SNCAIP: variants seen among roughly 807,000 people sequenced by gnomAD.
SNCAIP encodes synphilin-1.
SNCAIP carries 43 observed loss-of-function variants against 86.7 expected under a neutral mutation model. The ratio of observed to expected loss-of-function variants is 0.50; its 90% CI spans 0.39 to 0.64. The LOEUF is 0.64. Among genes scored for constraint, SNCAIP ranks in the 30% least tolerant of loss-of-function variants. The probability of loss-of-function intolerance (pLI) is 0.00; values close to 1 mark genes in which losing one functional copy is unlikely to be tolerated. For missense variants in SNCAIP, 981 were observed against 1,103.1 expected (o/e 0.89, Z 1.57); for synonymous variants, 417 against 427.2 (o/e 0.98, Z 0.29).
chr5:122,421,569 G>C (rs1353279198), intron 3 of SNCAIP, among the ~76,000 whole-genome samples: 1 of 152,042 alleles, frequency 6.6e-6, no homozygotes, highest in East Asian at 1.9e-4. Flanking sequence ...TTCTTTGGTT[G>C]TTCCCAGTAG....
intron 1 of SNCAIP, among the ~76,000 whole-genome samples, chr5:122,326,789 G>A (rs905237960): frequency 2.0e-5 from 3 of 151,506 alleles, no homozygotes; most frequent in African/African-American, 7.3e-5. Context: ...GCTTCTAGAA[G>A]GAATTATTTT....
intron 1 of SNCAIP, among the ~76,000 whole-genome samples, chr5:122,345,275 T>G (rs1209920760): frequency 6.6e-6 from 1 of 152,224 alleles, no homozygotes; most frequent in Non-Finnish European, 1.5e-5. Context: ...ATAATGCCTA[T>G]TTAGCTCTTT....
At chr5:122,329,474 C>T (rs1754828199) in intron 1 of SNCAIP, among the ~76,000 whole-genome samples, 1 of 152,094 alleles carries the variant, frequency 6.6e-6, no homozygotes, top group Non-Finnish European at 1.5e-5. Context: ...TCCTTTCTAT[C>T]CCCATTTCCA....
At chr5:122,356,902 T>C (rs1212442154) in intron 1 of SNCAIP, among the ~76,000 whole-genome samples, 1 of 152,212 alleles carries the variant, frequency 6.6e-6, no homozygotes, top group African/African-American at 2.4e-5. Flanking sequence ...GATCTCTACC[T>C]AGCTCCTGTC....
intron 3 of SNCAIP, among the ~76,000 whole-genome samples, chr5:122,404,898 T>C (rs1360535669): frequency 6.6e-6 from 1 of 152,218 alleles, no homozygotes; most frequent in Non-Finnish European, 1.5e-5. Flanking sequence ...TGTTTTTTTG[T>C]GTGTGTGAGT....
intron 10 of SNCAIP, among the ~76,000 whole-genome samples, chr5:122,454,214 T>C (rs1420159771): frequency 6.6e-6 from 1 of 152,252 alleles, no homozygotes; most frequent in Non-Finnish European, 1.5e-5. Context: ...TGAATTTTAG[T>C]TGAGAATACT....
intron 4 of SNCAIP, among the ~76,000 whole-genome samples, chr5:122,424,602 T>C (rs1777011049): frequency 1.3e-5 from 2 of 152,264 alleles, no homozygotes; most frequent in South Asian, 4.1e-4. Context: ...AATTGAATAA[T>C]TTTATGAAAT....
intron 2 of SNCAIP, among the ~76,000 whole-genome samples, chr5:122,401,803 T>C (rs780323792): frequency 6.6e-5 from 10 of 152,200 alleles, no homozygotes; most frequent in Non-Finnish European, 1.2e-4. Flanking sequence ...GCTGCTCAAA[T>C]GTAAACCTCG....
chr5:122,457,071 G>C (rs950892415), intron 10 of SNCAIP, among the ~76,000 whole-genome samples: 1 of 152,114 alleles, frequency 6.6e-6, no homozygotes, highest in African/African-American at 2.4e-5. Flanking sequence ...GTGCGATCTT[G>C]GCTCACTGCA....
At chr5:122,440,562 CCT>C (rs1294287872) in intron 6 of SNCAIP, 65 bp from the exon 7 acceptor site, 1 of 1,480,374 alleles carries the variant, frequency 6.8e-7, no homozygotes, top group African/African-American at 1.4e-5. Context: ...GTATTGTTTT[CCT>C]CTGTCTTTTT....
At chr5:122,449,535 TACTC>T (rs1400113110) in intron 8 of SNCAIP, among the ~76,000 whole-genome samples, 2 of 152,212 alleles carry the variant, frequency 1.3e-5, no homozygotes, top group Non-Finnish European at 2.9e-5. Flanking sequence ...TGTCCATAGA[TACTC>T]AAACATATTA....
chr5:122,339,974 T>A (rs1757234979), intron 1 of SNCAIP, among the ~76,000 whole-genome samples: 1 of 152,184 alleles, frequency 6.6e-6, no homozygotes, highest in Non-Finnish European at 1.5e-5. Flanking sequence ...TCAACTCAGC[T>A]TGAAAACAAT....
intron 2 of SNCAIP, chr5:122,401,038 A>G: frequency 6.5e-7 from 1 of 1,550,318 alleles, no homozygotes; most frequent in Non-Finnish European, 8.7e-7. Context: ...GAGGACACAG[A>G]CAGGGAAGAT....
intron 1 of SNCAIP, among the ~76,000 whole-genome samples, chr5:122,372,327 A>G (rs762792594): frequency 6.6e-6 from 1 of 152,206 alleles, no homozygotes; most frequent in Non-Finnish European, 1.5e-5. Context: ...TACTCCCAGC[A>G]TGGCCAATTG....
chr5:122,403,218 C>G (rs1772202447), intron 2 of SNCAIP, among the ~76,000 whole-genome samples: 1 of 152,152 alleles, frequency 6.6e-6, no homozygotes, highest in African/African-American at 2.4e-5. Context: ...AAACACAGAA[C>G]CACACCCCTC....
intron 1 of SNCAIP, among the ~76,000 whole-genome samples, chr5:122,321,989 A>C (rs929505550): frequency 6.6e-6 from 1 of 152,242 alleles, no homozygotes; most frequent in African/African-American, 2.4e-5. Flanking sequence ...AGGACAGACC[A>C]AACACAAAAA....
At chr5:122,427,639 C>CT (rs1167284759) in intron 5 of SNCAIP, among the ~76,000 whole-genome samples, 1 of 152,066 alleles carries the variant, frequency 6.6e-6, no homozygotes, top group African/African-American at 2.4e-5. Context: ...TGAGAGAGTC[C>CT]TAAAGAGTCA....
At chr5:122,416,381 G>A (rs1775313977) in intron 3 of SNCAIP, among the ~76,000 whole-genome samples, 1 of 152,152 alleles carries the variant, frequency 6.6e-6, no homozygotes, top group South Asian at 2.1e-4. Context: ...TAATAAACAA[G>A]CCTTCTGTCC....
intron 1 of SNCAIP, among the ~76,000 whole-genome samples, chr5:122,342,740 A>G (rs1286894832): frequency 6.6e-6 from 1 of 152,326 alleles, no homozygotes; most frequent in African/African-American, 2.4e-5. Flanking sequence ...TGTCCCCTGC[A>G]CCAGCTATCT....
Sources: gnomAD v4.1 joint callset for allele counts (sites outside exome capture counted in the v4.1 genomes callset) on GRCh38, gnomAD v4.1.1 for gene constraint, MANE v1.5 for transcripts, NCBI Gene and HGNC (gene_info 2026-07-23, HGNC 2026-07-21) for gene names.